Variants in KREMEN1 observed in about 807,000 individuals in gnomAD.
The protein encoded by KREMEN1 is kremen protein 1.
Under a neutral mutation model 46.5 loss-of-function variants are expected in KREMEN1, and 30 were observed. The observed-to-expected ratio is 0.65, with a 90% confidence interval of 0.48 to 0.88. The LOEUF is 0.88. KREMEN1 is among the 40% of genes least tolerant of loss of function. The pLI, the probability that KREMEN1 is intolerant of heterozygous loss-of-function variation, is 0.00. For missense variants in KREMEN1, 533 were observed against 596.9 expected (o/e 0.89, Z 1.11); for synonymous variants, 214 against 230.6 (o/e 0.93, Z 0.65).
rs2056750872 is a variant in KREMEN1 at position 29,144,436 on chromosome 22, G to T, written c.*2324G>T. On this transcript the variant is annotated 3_prime_UTR_variant, in exon 9 of 9. Coordinates refer to ENST00000400335, the MANE Select transcript of KREMEN1 (RefSeq NM_001039570.3). ...ACTGCCACCCCAGGCCCCGTGGGAG[G>T]CCTGCTGAGGGCACAGAGCTGCTCG... The T allele has an allele frequency of 3.0e-6, 3 of 985,628 alleles. No individual in the cohort carries two copies. The highest frequency in any genetic ancestry group is 3.6e-6 in the Non-Finnish European group (3 of 830,052). 61.1% of individuals were successfully genotyped at this position (985,628 alleles called of 1,614,324 possible). A position where few individuals can be genotyped will look rare whatever the true frequency, so the allele number is the denominator to read the frequency against.
intron 4 of KREMEN1, among the ~76,000 whole-genome samples, chr22:29,122,224 C>A (rs978077135): frequency 6.6e-6 from 1 of 152,142 alleles, no homozygotes; most frequent in Non-Finnish European, 1.5e-5. Context: ...TCAGCATCAC[C>A]AGTTGTCAGG....
At position 29,142,970 on chromosome 22, in the gene KREMEN1, T is replaced by C; in HGVS notation, c.*858T>C. On this transcript the variant is annotated 3_prime_UTR_variant, in exon 9 of 9. Transcript: ENST00000400335. ...TTCGAGACCAGCCTGGCCAACATGG[T>C]GAAACCCCGTCTCTACTAAAAATAT... The C allele has an allele frequency of 1.6e-6, 1 of 606,606 alleles. No homozygotes were observed. The highest frequency in any genetic ancestry group is 2.1e-6 in the Non-Finnish European group (1 of 484,584). The allele number at this position is 606,606 out of a possible 1,614,324, so 37.6% of individuals were successfully genotyped here.
intron 5 of KREMEN1, among the ~76,000 whole-genome samples, chr22:29,125,994 G>A (rs2038435730): frequency 3.3e-5 from 5 of 151,944 alleles, no homozygotes; most frequent in African/African-American, 1.2e-4. Context: ...CCAACATCAT[G>A]TTCTAACCAC....
In KREMEN1 at chr22:29,137,594, A is replaced by G. The variant is rs529670637; in HGVS notation, c.884A>G (p.Asn295Ser). 50 of 1,613,194 alleles carry G rather than the reference A, an allele frequency of 3.1e-5. No individual in the cohort carries two copies. Among genetic ancestry groups the G allele is most frequent in the African/African-American group, 9.3e-5 (7 of 74,994 alleles). ...HGRSRPPLSF[N>S]VSLDFVILYF... Reference sequence around the variant, plus strand: ...AGGAGCCGCCCACCTCTGTCCTTCAACGTCTCTCTGGACTTCGTCATCTTG... The same window carrying G: ...AGGAGCCGCCCACCTCTGTCCTTCAGCGTCTCTCTGGACTTCGTCATCTTG... The change falls in exon 6 of 9, where the codon AAC (asparagine) becomes AGC (serine). Residue 295 changes from asparagine to serine, a missense_variant. Physicochemically the swap from Asn to Ser is conservative, Grantham distance 46 (BLOSUM62 1). Coordinates refer to ENST00000400335, the MANE Select transcript of KREMEN1 (RefSeq NM_001039570.3).
intron 5 of KREMEN1, among the ~76,000 whole-genome samples, chr22:29,135,456 CT>C (rs1471804680): frequency 6.6e-6 from 1 of 152,132 alleles, no homozygotes; most frequent in African/African-American, 2.4e-5. Context: ...CTTTTACTTT[CT>C]TAGAGAGGAG....
chr22:29,103,788 A>T (rs1296716772), intron 3 of KREMEN1, among the ~76,000 whole-genome samples: 1 of 152,212 alleles, frequency 6.6e-6, no homozygotes, highest in African/African-American at 2.4e-5. Context: ...TATATTAAGG[A>T]ATTACTGTCA....
At chr22:29,149,528 C>T (rs1314369576), downstream of KREMEN1, among the ~76,000 whole-genome samples, 1 of 152,180 alleles carries the variant, frequency 6.6e-6, no homozygotes, top group African/African-American at 2.4e-5. Flanking sequence ...CTTCTCTCTC[C>T]TAGAGGCTCT....
At chr22:29,154,999 T>C (rs2038948287) in intron 9 of KREMEN1, among the ~76,000 whole-genome samples, 1 of 151,748 alleles carries the variant, frequency 6.6e-6, no homozygotes, top group African/African-American at 2.4e-5. Flanking sequence ...TAATGTGGTG[T>C]ATAATCTCCA....
chr22:29,121,316 C>A, intron 3 of KREMEN1, 41 bp from the exon 4 acceptor site: 2 of 1,609,942 alleles, frequency 1.2e-6, no homozygotes, highest in Non-Finnish European at 1.7e-6. Flanking sequence ...TGTTTCACAG[C>A]CAGATGTTGC....
At position 29,121,336 on chromosome 22, in the gene KREMEN1, T is replaced by C. The variant is rs1217167685; in HGVS notation, c.353-21T>C. ...CACAGCCAGATGTTGCGAAATTCTT[T>C]TGTTTTTCTTTTTTCTTTAGTGCCT... On this transcript the variant is annotated intron_variant, in intron 3 of 8. Coordinates refer to ENST00000400335, the MANE Select transcript of KREMEN1 (RefSeq NM_001039570.3). 5.6e-6 allele frequency: 9 copies of C among 1,612,414 alleles called. No individual in the cohort carries two copies. In the East Asian group the frequency reaches 6.7e-5, roughly 12 times the overall value.
chr22:29,153,960 A>C (rs918841787), intron 9 of KREMEN1, among the ~76,000 whole-genome samples: 1 of 116,202 alleles, frequency 8.6e-6, no homozygotes, highest in Non-Finnish European at 1.9e-5. Context: ...TAACGGCAAG[A>C]CTTCCTCTCA....
chr22:29,122,263 A>G (rs1168927060), intron 4 of KREMEN1, among the ~76,000 whole-genome samples: 1 of 152,234 alleles, frequency 6.6e-6, no homozygotes, highest in Admixed American at 6.5e-5. Context: ...ACAATGAGAT[A>G]CCACTGCACA....
chr22:29,158,258 G>A (rs2038981114), intron 9 of KREMEN1, among the ~76,000 whole-genome samples: 1 of 152,178 alleles, frequency 6.6e-6, no homozygotes, highest in African/African-American at 2.4e-5. Context: ...TGGCAGTAGA[G>A]GGACAAAATG....
intron 1 of KREMEN1, among the ~76,000 whole-genome samples, chr22:29,076,224 T>A (rs1415368827): frequency 6.6e-6 from 1 of 152,222 alleles, no homozygotes; most frequent in Non-Finnish European, 1.5e-5. Flanking sequence ...TTGCTGTGAA[T>A]ACCTTTTATA....
Position 29,145,614 on chromosome 22 carries a change from G to C in KREMEN1, c.*3502G>C, listed in dbSNP as rs1328804190. On this transcript the variant is annotated 3_prime_UTR_variant, in exon 9 of 9. Coordinates refer to ENST00000400335, the MANE Select transcript of KREMEN1 (RefSeq NM_001039570.3). ...GTCCTTGGCCCTTCTGAGAAGGCAG[G>C]CGGGAGGCACACGGTGCCCTGTTCT... 1.0e-6 allele frequency: 1 copy of C among 985,440 alleles called. No homozygotes were observed. The highest frequency in any genetic ancestry group is 1.2e-6 in the Non-Finnish European group (1 of 830,020). 61.0% of individuals were successfully genotyped at this position (985,440 alleles called of 1,614,324 possible).
chr22:29,117,832 TC>T (rs1176614014), intron 3 of KREMEN1, among the ~76,000 whole-genome samples: 1 of 152,230 alleles, frequency 6.6e-6, no homozygotes, highest in Non-Finnish European at 1.5e-5. Context: ...TGAATTAATT[TC>T]TTTATTCAAT....
intron 9 of KREMEN1, among the ~76,000 whole-genome samples, chr22:29,158,045 G>A (rs1222590819): frequency 2.6e-5 from 4 of 152,168 alleles, no homozygotes; most frequent in East Asian, 1.9e-4. Flanking sequence ...TGAAATTAGC[G>A]AATATATAGC....
intron 1 of KREMEN1, among the ~76,000 whole-genome samples, chr22:29,089,164 T>G (rs774768198): frequency 2.0e-5 from 3 of 152,238 alleles, no homozygotes; most frequent in Non-Finnish European, 4.4e-5. Context: ...TTTCCTCAAC[T>G]CCAGACTCAT....
chr22:29,131,526 A>ATATATG (rs1217114518), intron 5 of KREMEN1, among the ~76,000 whole-genome samples: 1 of 13,754 alleles, frequency 7.3e-5, no homozygotes, highest in African/African-American at 2.0e-4. Context: ...TTCTGTTCAT[A>ATATATG]TATATATATA....
Sources: allele counts gnomAD v4.1 joint callset (sites outside exome capture counted in the v4.1 genomes callset), GRCh38; gene constraint gnomAD v4.1.1; transcripts MANE v1.5; gene names NCBI Gene and HGNC (gene_info 2026-07-23, HGNC 2026-07-21).